The following AGFG2 variants were observed in gnomAD, a reference collection of about 807,000 sequenced individuals.
The protein encoded by AGFG2 is ArfGAP with FG repeats 2.
In AGFG2, 31 loss-of-function variants were observed where a neutral mutation model predicts 48.0. That is an observed-to-expected ratio of 0.65 (90% CI 0.49 to 0.87). The LOEUF is 0.87. Ranked by LOEUF, AGFG2 falls within the 40% of genes least tolerant of loss-of-function variation. The pLI, the probability that AGFG2 is intolerant of heterozygous loss-of-function variation, is 0.00. For missense variants in AGFG2, 599 were observed against 632.6 expected, an observed-to-expected ratio of 0.95 and a Z score of 0.57; for synonymous variants, 229 against 260.8, an observed-to-expected ratio of 0.88 and a Z score of 1.18.
Position 100,564,981 on chromosome 7 carries a change from CCTT to C in AGFG2, c.1440_1442del (p.Phe480del). On this transcript the variant is annotated inframe_deletion, in exon 12 of 12. Transcript: ENST00000300176. ...GCCTCCAAACCTCCAACCACCAACCCCTTCTTGTAGCACTGTGTTTTTGGGGGG... is the reference window on the plus strand; with the variant it reads ...GCCTCCAAACCTCCAACCACCAACCCCTTGTAGCACTGTGTTTTTGGGGGG... 2 of 1,614,200 alleles carry C rather than the reference CCTT, an allele frequency of 1.2e-6. No individual in the cohort carries two copies. Among genetic ancestry groups the C allele is most frequent in the South Asian group, 2.2e-5 (2 of 91,084 alleles).
At position 100,564,845 on chromosome 7, in the gene AGFG2, T is replaced by G. The variant is rs536148107; in HGVS notation, c.1387-87T>G. On this transcript the variant is annotated intron_variant, in intron 11 of 11. Coordinates refer to ENST00000300176, the MANE Select transcript of AGFG2 (RefSeq NM_006076.5). ...CCCACTGCCCTCAGCATAGCGATTT[T>G]TCAGGAGAAAGGACTCCTGGCTGCC... 4.5e-4 allele frequency: 656 copies of G among 1,466,084 alleles called. 1 individual carries two copies. Among genetic ancestry groups the G allele is most frequent in the Non-Finnish European group, 5.8e-4 (602 of 1,045,612 alleles). The allele number at this position is 1,466,084 out of a possible 1,614,324, so 90.8% of individuals were successfully genotyped here.
intron 2 of AGFG2, 51 bp downstream of exon 2, chr7:100,548,966 G>A (rs1205171950): frequency 2.7e-6 from 4 of 1,480,606 alleles, no homozygotes; most frequent in South Asian, 2.3e-5. Flanking sequence ...TGCAGGTGGG[G>A]CTTTGCCTCA....
intron 1 of AGFG2, among the ~76,000 whole-genome samples, chr7:100,544,171 T>A (rs1800471296): frequency 6.6e-6 from 1 of 152,228 alleles, no homozygotes; most frequent in African/African-American, 2.4e-5. Context: ...ACGCTAACTT[T>A]GACACCCAGT....
intron 5 of AGFG2, 114 bp downstream of exon 5, chr7:100,554,372 G>A: frequency 1.5e-6 from 2 of 1,329,732 alleles, no homozygotes; most frequent in Non-Finnish European, 2.0e-6. Context: ...CAAATGTGAG[G>A]GTCACTCTGA....
chr7:100,548,307 G>A (rs2131105981), intron 1 of AGFG2, among the ~76,000 whole-genome samples: 1 of 151,828 alleles, frequency 6.6e-6, no homozygotes, highest in East Asian at 1.9e-4. Flanking sequence ...CTTTTTTTTG[G>A]GGGTTGGAGG....
intron 1 of AGFG2, among the ~76,000 whole-genome samples, chr7:100,546,883 A>G (rs1800521376): frequency 6.6e-6 from 1 of 152,226 alleles, no homozygotes; most frequent in South Asian, 2.1e-4. Flanking sequence ...GACCAAGCTT[A>G]AGAGCTATTG....
chr7:100,559,202 G>A (rs1357040380), intron 6 of AGFG2, among the ~76,000 whole-genome samples: 2 of 152,094 alleles, frequency 1.3e-5, no homozygotes, highest in Non-Finnish European at 2.9e-5. Flanking sequence ...TGCCATTGTT[G>A]GGTGCCTTCA....
intron 2 of AGFG2, among the ~76,000 whole-genome samples, chr7:100,549,717 C>T (rs910488262): frequency 3.3e-5 from 5 of 151,966 alleles, no homozygotes; most frequent in African/African-American, 1.2e-4. Flanking sequence ...GAGACAAGCT[C>T]TTGCTTGCTC....
intron 1 of AGFG2, among the ~76,000 whole-genome samples, chr7:100,542,659 G>A (rs2131100344): frequency 1.3e-5 from 2 of 152,312 alleles, no homozygotes; most frequent in South Asian, 4.1e-4. Context: ...GAGCTGGCAG[G>A]TGGGCTGTAA....
At position 100,559,090 on chromosome 7, in the gene AGFG2, C is replaced by T. The variant is rs547095155; in HGVS notation, c.878-3169C>T. Among the ~76,000 whole-genome samples, 267 of 152,074 alleles carry T rather than the reference C, an allele frequency of 1.8e-3. 2 individuals carry two copies. Among genetic ancestry groups the T allele is most frequent in the African/African-American group, 6.1e-3 (253 of 41,476 alleles). On this transcript the variant is annotated intron_variant, in intron 6 of 11. Coordinates refer to ENST00000300176, the MANE Select transcript of AGFG2 (RefSeq NM_006076.5). ...CTGAGGTAGCAGTGAGCTGAGATTGCGCCACTGCACTCTGGGTGACAGAGC... is the reference window on the plus strand; with the variant it reads ...CTGAGGTAGCAGTGAGCTGAGATTGTGCCACTGCACTCTGGGTGACAGAGC...
Position 100,567,880 on chromosome 7 carries a change from G to A in AGFG2, c.*2889G>A, listed in dbSNP as rs2686814. On this transcript the variant is annotated 3_prime_UTR_variant, in exon 12 of 12. Transcript: ENST00000300176. ...GGCTGAAATAAATCTTTTCCGGGTAGGGTCAAGGGCAGTGTGTTGCCAAGG... is the reference window on the plus strand; with the variant it reads ...GGCTGAAATAAATCTTTTCCGGGTAAGGTCAAGGGCAGTGTGTTGCCAAGG... The A allele has an allele frequency of 2.0e-5, 3 of 152,358 alleles. No individual in the cohort carries two copies. Among genetic ancestry groups the A allele is most frequent in the Admixed American group, 6.5e-5 (1 of 15,286 alleles). 9.4% of individuals were successfully genotyped at this position (152,358 alleles called of 1,614,324 possible). A position where few individuals can be genotyped will look rare whatever the true frequency, so the allele number is the denominator to read the frequency against.
At chr7:100,545,301 C>G (rs1052356481) in intron 1 of AGFG2, among the ~76,000 whole-genome samples, 1 of 151,840 alleles carries the variant, frequency 6.6e-6, no homozygotes, top group African/African-American at 2.4e-5. Context: ...AAGATAGAAG[C>G]AAAAATATGG....
Position 100,562,983 on chromosome 7 carries a change from G to T in AGFG2, c.1171+37G>T. 6.4e-7 allele frequency: 1 copy of T among 1,572,322 alleles called. No homozygotes were observed. Among genetic ancestry groups the T allele is most frequent in the South Asian group, 1.1e-5 (1 of 89,254 alleles). ...GCATGGTCCCTTGTCCTGACCATCT[G>T]AGACTTCCAAGGCACACATTACCCT... On this transcript the variant is annotated intron_variant, in intron 9 of 11. Transcript: ENST00000300176. The surrounding 1 kb of genome is among the most constrained non-coding windows in gnomAD (Gnocchi z 5.4).
Position 100,562,737 on chromosome 7 carries a change from A to C in AGFG2, c.1087+55A>C. The C allele has an allele frequency of 6.3e-7, 1 of 1,593,114 alleles. No homozygotes were observed. Among genetic ancestry groups the C allele is most frequent in the Admixed American group, 1.7e-5 (1 of 58,748 alleles). On this transcript the variant is annotated intron_variant, in intron 8 of 11. Transcript: ENST00000300176. This position sits in a 1 kb window ranked among gnomAD's most constrained non-coding sequence, Gnocchi z 5.4. ...GGGGACCTGAGGCCAGGAGGAGTCT[A>C]AGGACTCTGGACAGGGTGGGAAGGG...
chr7:100,548,757 TCCC>T (rs1316033412), intron 1 of AGFG2, 62 bp from the exon 2 acceptor site: 81 of 1,263,408 alleles, frequency 6.4e-5, no homozygotes, highest in Non-Finnish European at 4.8e-5. Context: ...CTCCTCCTCC[TCCC>T]ATGAACAGCC....
chr7:100,539,616 G>A (rs1472754922), intron 1 of AGFG2, 49 bp downstream of exon 1: 2 of 1,225,570 alleles, frequency 1.6e-6, no homozygotes, highest in Middle Eastern at 3.1e-4. Flanking sequence ...GGGACCCGGG[G>A]GCGGGGTGGG....
intron 6 of AGFG2, among the ~76,000 whole-genome samples, chr7:100,560,032 C>T (rs540456798): frequency 2.2e-4 from 34 of 152,272 alleles, no homozygotes; most frequent in African/African-American, 7.5e-4. Flanking sequence ...GCTCCTGGAA[C>T]ATGCAGGACC....
In AGFG2 at chr7:100,562,158, A is replaced by G. The variant is rs1800886853; in HGVS notation, c.878-101A>G. The G allele has an allele frequency of 1.3e-6, 2 of 1,486,550 alleles. No individual in the cohort carries two copies. Among genetic ancestry groups the G allele is most frequent in the Non-Finnish European group, 1.8e-6 (2 of 1,096,944 alleles). The allele number at this position is 1,486,550 out of a possible 1,614,324, so 92.1% of individuals were successfully genotyped here. On this transcript the variant is annotated intron_variant, in intron 6 of 11. Transcript: ENST00000300176. This position sits in a 1 kb window ranked among gnomAD's most constrained non-coding sequence, Gnocchi z 5.4. ...GAACCCAGCAGGCACCTGTCATGCC[A>G]TGACTCCAATCCATCACCACCACCA...
chr7:100,548,522 AG>A (rs1218720856), intron 1 of AGFG2, among the ~76,000 whole-genome samples: 1 of 152,130 alleles, frequency 6.6e-6, no homozygotes, highest in Non-Finnish European at 1.5e-5. Context: ...CATATTGGCC[AG>A]GCTGGTCTCG....
Sources: allele counts gnomAD v4.1 joint callset (sites outside exome capture counted in the v4.1 genomes callset), GRCh38; gene constraint gnomAD v4.1.1; non-coding constraint Gnocchi (gnomAD v3.1); transcripts MANE v1.5; gene names NCBI Gene and HGNC (gene_info 2026-07-23, HGNC 2026-07-21).